The following SHROOM2 variants were observed in gnomAD, a reference collection of about 807,000 sequenced individuals.
The protein encoded by SHROOM2 is protein Shroom2.
SHROOM2 carries 33 observed loss-of-function variants against 75.9 expected under a neutral mutation model. The observed-to-expected ratio is 0.43, with a 90% confidence interval of 0.33 to 0.58. SHROOM2 has a LOEUF of 0.58. Ranked by LOEUF, SHROOM2 falls within the 20% of genes least tolerant of loss-of-function variation. The pLI is 0.04. For missense variants in SHROOM2, 1,434 were observed against 1,461.2 expected, an observed-to-expected ratio of 0.98 and a Z score of 0.30; for synonymous variants, 655 against 663.6, an observed-to-expected ratio of 0.99 and a Z score of 0.20.
At chrX:9,854,704 T>G (rs1029116079) in intron 1 of SHROOM2, among the ~76,000 whole-genome samples, 9 of 110,985 alleles carry the variant, frequency 8.1e-5, no homozygotes, top group African/African-American at 3.0e-4. Flanking sequence ...AATCACAGCT[T>G]GGGGGGCAGG....
At chrX:9,800,805 C>T (rs2083720035) in intron 1 of SHROOM2, among the ~76,000 whole-genome samples, 1 of 109,268 alleles carries the variant, frequency 9.2e-6, no homozygotes, top group African/African-American at 3.3e-5. Context: ...GGACTACAGG[C>T]ATGCGGCACC....
At chrX:9,867,760 A>G (rs1038764366) in intron 1 of SHROOM2, among the ~76,000 whole-genome samples, 3 of 111,901 alleles carry the variant, frequency 2.7e-5, no homozygotes, top group Non-Finnish European at 5.6e-5. Flanking sequence ...CTGGATAAGG[A>G]AGCCAGGGGA....
At position 9,880,371 on chromosome X, in the gene SHROOM2, C is replaced by T. The variant is rs148269332; in HGVS notation, c.317+6568C>T. ...TCTGTCCCACATGGAGCACACTGAGCGGGTCCCCTCTCTGTCCATCCCGTC... is the reference window on the plus strand; with the variant it reads ...TCTGTCCCACATGGAGCACACTGAGTGGGTCCCCTCTCTGTCCATCCCGTC... On this transcript the variant is annotated intron_variant, in intron 2 of 9. Coordinates refer to ENST00000380913, the MANE Select transcript of SHROOM2 (RefSeq NM_001649.4). Among the ~76,000 whole-genome samples the T allele has an allele frequency of 8.4e-3, 954 of 113,181 alleles. 5 individuals carry two copies. Among genetic ancestry groups the T allele is most frequent in the Non-Finnish European group, 0.015 (784 of 53,355 alleles).
At chrX:9,851,727 A>G (rs1459589602) in intron 1 of SHROOM2, among the ~76,000 whole-genome samples, 1 of 108,195 alleles carries the variant, frequency 9.2e-6, no homozygotes, top group Non-Finnish European at 1.9e-5. Flanking sequence ...TGGCCTCCCA[A>G]ACTGCTGGGA....
chrX:9,889,877 A>T (rs2084280894), intron 2 of SHROOM2, among the ~76,000 whole-genome samples: 1 of 112,275 alleles, frequency 8.9e-6, no homozygotes, highest in Admixed American at 9.5e-5. Context: ...TGTGTGACCC[A>T]GCCGCCTGAG....
At chrX:9,825,521 T>C (rs1240607864) in intron 1 of SHROOM2, among the ~76,000 whole-genome samples, 2 of 112,432 alleles carry the variant, frequency 1.8e-5, no homozygotes, top group African/African-American at 6.5e-5. Context: ...CATTGTAACT[T>C]CCCCTCCTCT....
intron 1 of SHROOM2, among the ~76,000 whole-genome samples, chrX:9,858,269 C>T (rs1055162651): frequency 8.9e-5 from 10 of 111,740 alleles, no homozygotes; most frequent in Admixed American, 6.6e-4. Context: ...TAGATTATCT[C>T]ACTGAACAAG....
Position 9,804,867 on chromosome X carries a change from G to A in SHROOM2, c.165+18157G>A, listed in dbSNP as rs755426917. On this transcript the variant is annotated intron_variant, in intron 1 of 9. Coordinates refer to ENST00000380913, the MANE Select transcript of SHROOM2 (RefSeq NM_001649.4). ...TATGCCAGCAGCTTTGCATTATGCC[G>A]TGAGTTCCTGGGCTCTGGGAACTGC... Among the ~76,000 whole-genome samples, 231 of 111,407 alleles carry A rather than the reference G, an allele frequency of 2.1e-3. 1 individual carries two copies. The highest frequency in any genetic ancestry group is 6.8e-3 in the African/African-American group (210 of 30,705).
intron 1 of SHROOM2, among the ~76,000 whole-genome samples, chrX:9,823,056 CCTCCTCCTCCTCCTCCTCCCTT>C (rs2083864149): frequency 1.1e-5 from 1 of 87,397 alleles, no homozygotes; most frequent in African/African-American, 4.2e-5. Context: ...TCCTCCTCCT[CCTCCTCCTCCTCCTCCTCCCTT>C]CTCCCTTCTC....
chrX:9,911,219 G>A (rs1386635814), intron 5 of SHROOM2, among the ~76,000 whole-genome samples: 1 of 111,786 alleles, frequency 8.9e-6, no homozygotes, highest in Non-Finnish European at 1.9e-5. Context: ...GTGTAAGTGT[G>A]TCAGGTCCCC....
At chrX:9,871,277 C>T (rs2084169881) in intron 1 of SHROOM2, among the ~76,000 whole-genome samples, 1 of 112,383 alleles carries the variant, frequency 8.9e-6, no homozygotes, top group Non-Finnish European at 1.9e-5. Context: ...GTGCGGGCGT[C>T]ATTCCAGCCA....
chrX:9,893,931 G>A (rs1319188836), intron 3 of SHROOM2, among the ~76,000 whole-genome samples: 4 of 103,670 alleles, frequency 3.9e-5, no homozygotes, highest in Middle Eastern at 4.3e-3. Flanking sequence ...TCCAGCCTAG[G>A]CGACAGAGTG....
At chrX:9,793,358 C>T (rs1412552060) in intron 1 of SHROOM2, among the ~76,000 whole-genome samples, 3 of 107,367 alleles carry the variant, frequency 2.8e-5, no homozygotes, top group Admixed American at 1.0e-4. Context: ...GGCATGATCT[C>T]GGCTCACTGC....
chrX:9,851,601 T>G lies in SHROOM2; in HGVS notation c.166-22051T>G, dbSNP rs1023877189. On this transcript the variant is annotated intron_variant, in intron 1 of 9. Transcript: ENST00000380913. ...CCTCCTGTGTAGCTGGGACCACAGGTGTGCGCCACCACACCTGACAAATTT... is the reference window on the plus strand; with the variant it reads ...CCTCCTGTGTAGCTGGGACCACAGGGGTGCGCCACCACACCTGACAAATTT... Among the ~76,000 whole-genome samples, 4 of 106,856 alleles carry G rather than the reference T, an allele frequency of 3.7e-5. No homozygotes were observed. The East Asian group carries it at 8.9e-4, about 24-fold the overall frequency. 92.8% of individuals were successfully genotyped at this position (106,856 alleles called of 115,157 possible).
intron 1 of SHROOM2, among the ~76,000 whole-genome samples, chrX:9,872,317 C>T (rs1024424934): frequency 1.5e-4 from 17 of 113,195 alleles, no homozygotes; most frequent in African/African-American, 5.1e-4. Context: ...CTAATCCCAG[C>T]ACTCTGGGAG....
At chrX:9,919,462 G>C (rs1423941422) in intron 5 of SHROOM2, among the ~76,000 whole-genome samples, 1 of 104,922 alleles carries the variant, frequency 9.5e-6, no homozygotes, top group Non-Finnish European at 1.9e-5. Context: ...CTCCTGAGTA[G>C]CTGGGACTAC....
Position 9,895,652 on chromosome X carries a change from C to T in SHROOM2, c.1744C>T (p.Gln582Ter). Residue 582 changes from glutamine to a stop codon, truncating the protein, a stop_gained, in exon 4 of 10, where the codon CAG becomes TAG. Transcript: ENST00000380913. LOFTEE classifies it high-confidence loss of function. Reference sequence around the variant, plus strand: ...TGGGGAGAGCAGCAGGATCTGCCCGCAGGAGACGCCCCTGTTGCACTCCCT... The same window carrying T: ...TGGGGAGAGCAGCAGGATCTGCCCGTAGGAGACGCCCCTGTTGCACTCCCT... ...ADGESSRICP[Q>*]ETPLLHSLTQ... is the part of the protein sequence containing the mutation. 8.6e-7 allele frequency: 1 copy of T among 1,167,896 alleles called. No individual in the cohort carries two copies. The highest frequency in any genetic ancestry group is 1.1e-6 in the Non-Finnish European group (1 of 877,115).
rs139667079 is a variant in SHROOM2, at chrX:9,895,976, C to T, written c.2068C>T (p.Arg690Trp). 49 of 1,199,887 alleles carry T rather than the reference C, an allele frequency of 4.1e-5. No homozygotes were observed. The East Asian group carries it at 5.7e-4, about 14-fold the overall frequency. The stretch of plus-strand genomic sequence containing the variant: ...AGACCACCTGAAAGAGGCCCAAGCC[C>T]GGGTCCTGAGGGCCACGTCCTTCAA... ...YKDHLKEAQA[R>W]VLRATSFKRR... Residue 690 changes from arginine (R) to tryptophan (W), a missense_variant, in exon 4 of 10, where the codon CGG becomes TGG. This residue lies in a region of SHROOM2 where 1,340 missense variants were observed against 1,338.3 expected (regional missense o/e 1.00). Transcript: ENST00000380913.
intron 2 of SHROOM2, among the ~76,000 whole-genome samples, chrX:9,888,098 G>A (rs1239642426): frequency 1.8e-5 from 2 of 113,065 alleles, no homozygotes; most frequent in South Asian, 3.6e-4. Context: ...TCTGTCCAGG[G>A]CCAAAGCTAG....
Sources: gnomAD v4.1 joint callset for allele counts (sites outside exome capture counted in the v4.1 genomes callset) on GRCh38, gnomAD v4.1.1 for gene constraint, gnomAD v4.1.1 regional missense constraint, MANE v1.5 for transcripts, NCBI Gene and HGNC (gene_info 2026-07-23, HGNC 2026-07-21) for gene names.